The following SMAD3 variants were observed in gnomAD, a reference collection of about 807,000 sequenced individuals.
SMAD3 encodes MAD homolog 3.
A neutral mutation model predicts 51.8 loss-of-function variants in SMAD3; 12 were observed. That is an observed-to-expected ratio of 0.23 (90% CI 0.15 to 0.38). SMAD3 has a LOEUF of 0.38. SMAD3 is among the 10% of genes least tolerant of loss of function. The pLI is 1.00. For synonymous variants in SMAD3, 238 were observed against 227.7 expected (o/e 1.05, Z -0.41); for missense variants, 294 against 565.6 (o/e 0.52, Z 4.87).
chr15:67,153,349 A>G (rs1030965669), intron 1 of SMAD3, among the ~76,000 whole-genome samples: 2 of 152,160 alleles, frequency 1.3e-5, no homozygotes, highest in African/African-American at 4.8e-5. Context: ...AAAATTAGCC[A>G]GGCGTGGTGG....
intron 1 of SMAD3, among the ~76,000 whole-genome samples, chr15:67,141,753 G>A (rs1269833456): frequency 6.6e-6 from 1 of 152,106 alleles, no homozygotes; most frequent in Non-Finnish European, 1.5e-5. Flanking sequence ...GATACCTTGA[G>A]TCCACCCCCC....
chr15:67,149,859 G>C (rs1375010308), intron 1 of SMAD3, among the ~76,000 whole-genome samples: 1 of 152,200 alleles, frequency 6.6e-6, no homozygotes, highest in Admixed American at 6.5e-5. Context: ...AGCAATTGCT[G>C]TCATGCAAAT....
At chr15:67,183,016 TATATATATATATA>T (rs1207773850) in intron 6 of SMAD3, among the ~76,000 whole-genome samples, 6 of 75,720 alleles carry the variant, frequency 7.9e-5, no homozygotes, top group African/African-American at 3.8e-4. Context: ...TATATATATA[TATATATATATATA>T]TATTTTTTTT....
chr15:67,160,770 C>CAAAAAAAAAA (rs547354315), intron 1 of SMAD3, among the ~76,000 whole-genome samples: 17 of 61,038 alleles, frequency 2.8e-4, no homozygotes, highest in African/African-American at 4.4e-4. Flanking sequence ...GACTCCATCT[C>CAAAAAAAAAA]AAAAAAAAAA....
In SMAD3 at chr15:67,184,735, G is replaced by C. The variant is rs863223744; in HGVS notation, c.880G>C (p.Val294Leu). 6.2e-7 allele frequency: 1 copy of C among 1,613,948 alleles called. No homozygotes were observed. The highest frequency in any genetic ancestry group is 8.5e-7 in the Non-Finnish European group (1 of 1,180,044). The change falls in exon 7 of 9, where the codon GTG (valine) becomes CTG (leucine). Residue 294 changes from valine (V) to leucine (L), a missense_variant. Val to Leu is a conservative substitution (Grantham distance 32). Transcript: ENST00000327367. The stretch of plus-strand genomic sequence containing the variant: ...AACCTGAATCTCTGTAGGAAGAGGC[G>C]TGCGGCTCTACTACATCGGAGGGGA... Reference protein sequence around the residue: ...ELTRRHIGRGVRLYYIGGEVF... With the variant: ...ELTRRHIGRGLRLYYIGGEVF...
intron 1 of SMAD3, among the ~76,000 whole-genome samples, chr15:67,103,737 C>T (rs1383129796): frequency 6.6e-6 from 1 of 152,206 alleles, no homozygotes. Flanking sequence ...GGAGCTGGAA[C>T]AGAGCTGCAA....
At chr15:67,185,691 A>G (rs1047611521) in intron 7 of SMAD3, among the ~76,000 whole-genome samples, 2 of 152,168 alleles carry the variant, frequency 1.3e-5, no homozygotes, top group Non-Finnish European at 2.9e-5. Flanking sequence ...TGGTTTGGAC[A>G]GGGCCACGCC....
chr15:67,118,564 G>A (rs142913245), intron 1 of SMAD3, among the ~76,000 whole-genome samples: 22 of 152,266 alleles, frequency 1.4e-4, no homozygotes, highest in Middle Eastern at 3.4e-3. Flanking sequence ...CTATTGTCAC[G>A]GAAGGCGCTG....
Position 67,187,159 on chromosome 15 carries a change from G to C in SMAD3, c.1010-206G>C, listed in dbSNP as rs571460587. The stretch of plus-strand genomic sequence containing the variant: ...TGTCAGTGGCACCTCCCAGTGAGGA[G>C]ATGGGTTCAAGGGGAGGGACTGGGT... On this transcript the variant is annotated intron_variant, in intron 7 of 8. Transcript: ENST00000327367. 10 of 697,188 alleles carry C rather than the reference G, an allele frequency of 1.4e-5. No individual in the cohort carries two copies. The South Asian group carries it at 1.5e-4, about 10-fold the overall frequency. The allele number at this position is 697,188 out of a possible 1,614,324, so 43.2% of individuals were successfully genotyped here. A position where few individuals can be genotyped will look rare whatever the true frequency, so the allele number is the denominator to read the frequency against.
chr15:67,142,414 A>G (rs1026771933), intron 1 of SMAD3, among the ~76,000 whole-genome samples: 5 of 152,166 alleles, frequency 3.3e-5, no homozygotes, highest in Non-Finnish European at 7.4e-5. Context: ...TTTGAGGACA[A>G]ATCACCAATG....
chr15:67,122,614 C>T (rs1961290887), intron 1 of SMAD3, among the ~76,000 whole-genome samples: 1 of 152,198 alleles, frequency 6.6e-6, no homozygotes, highest in South Asian at 2.1e-4. Context: ...AAGAGCTGAG[C>T]TGGCTCTTAA....
chr15:67,138,355 CCCG>C, intron 1 of SMAD3: 1 of 466,694 alleles, frequency 2.1e-6, no homozygotes, highest in Non-Finnish European at 3.9e-6. Context: ...CCCCCCCTCC[CCCG>C]GCCCCAGGAT....
chr15:67,140,132 AAG>A (rs1426958183), intron 1 of SMAD3, among the ~76,000 whole-genome samples: 1 of 151,700 alleles, frequency 6.6e-6, no homozygotes, highest in Non-Finnish European at 1.5e-5. Flanking sequence ...CAAAAAAAAA[AAG>A]AGAAAGAAAA....
intron 7 of SMAD3, among the ~76,000 whole-genome samples, chr15:67,185,742 C>T (rs779250709): frequency 3.9e-5 from 6 of 152,128 alleles, no homozygotes; most frequent in South Asian, 2.1e-4. Flanking sequence ...CCATCTAAGG[C>T]CTCTTTCCTC....
chr15:67,150,133 A>G (rs941197579), intron 1 of SMAD3, among the ~76,000 whole-genome samples: 1 of 152,242 alleles, frequency 6.6e-6, no homozygotes, highest in African/African-American at 2.4e-5. Flanking sequence ...TTGTTGTAAA[A>G]TCACTGGAGT....
chr15:67,107,532 C>T (rs2140230534), intron 1 of SMAD3, among the ~76,000 whole-genome samples: 1 of 152,342 alleles, frequency 6.6e-6, no homozygotes, highest in Non-Finnish European at 1.5e-5. Context: ...TGAAGTCCGT[C>T]ATTCGGCTGC....
chr15:67,142,671 C>T (rs1264564911), intron 1 of SMAD3: 2 of 300,216 alleles, frequency 6.7e-6, no homozygotes, highest in South Asian at 2.6e-5. Context: ...AGACTAGAGG[C>T]GTCCAGAGGC....
At chr15:67,083,081 C>G (rs1433460639) in intron 1 of SMAD3, among the ~76,000 whole-genome samples, 2 of 152,210 alleles carry the variant, frequency 1.3e-5, no homozygotes, top group Non-Finnish European at 1.5e-5. Flanking sequence ...CCAACAGCTA[C>G]TTTCCTGGAA....
At chr15:67,182,181 G>A (rs1321682355) in intron 6 of SMAD3, among the ~76,000 whole-genome samples, 1 of 152,176 alleles carries the variant, frequency 6.6e-6, no homozygotes, top group East Asian at 1.9e-4. Context: ...TTATTTTCAT[G>A]TATCATTATT....
Sources: gnomAD v4.1 joint callset for allele counts (sites outside exome capture counted in the v4.1 genomes callset) on GRCh38, gnomAD v4.1.1 for gene constraint, MANE v1.5 for transcripts, NCBI Gene and HGNC (gene_info 2026-07-23, HGNC 2026-07-21) for gene names.